Variants in CDYL2 observed in about 807,000 individuals in gnomAD.
CDYL2 encodes the protein chromodomain Y-like protein 2.
A neutral mutation model predicts 49.4 loss-of-function variants in CDYL2; 23 were observed. The ratio of observed to expected loss-of-function variants is 0.47; its 90% CI spans 0.34 to 0.66. The LOEUF (loss-of-function observed/expected upper bound fraction) is 0.66. CDYL2 is among the 30% of genes least tolerant of loss of function. The pLI, the probability that CDYL2 is intolerant of heterozygous loss-of-function variation, is 0.01. For missense variants in CDYL2, 678 were observed against 656.4 expected (o/e 1.03, Z -0.36); for synonymous variants, 360 against 268.8 (o/e 1.34, Z -3.32).
At chr16:80,768,494 AGTG>A (rs1906800477) in intron 1 of CDYL2, among the ~76,000 whole-genome samples, 1 of 152,208 alleles carries the variant, frequency 6.6e-6, no homozygotes, top group East Asian at 1.9e-4. Flanking sequence ...TCAAGGCCCC[AGTG>A]GATTCAGGGT....
At chr16:80,711,386 G>C (rs980058966) in intron 1 of CDYL2, among the ~76,000 whole-genome samples, 2 of 152,232 alleles carry the variant, frequency 1.3e-5, no homozygotes, top group African/African-American at 4.8e-5. Flanking sequence ...ACAGCTTGTG[G>C]AGGGCTGCAT....
At chr16:80,757,907 A>G (rs899583447) in intron 1 of CDYL2, among the ~76,000 whole-genome samples, 1 of 152,126 alleles carries the variant, frequency 6.6e-6, no homozygotes, top group Non-Finnish European at 1.5e-5. Flanking sequence ...CTAAGATTTT[A>G]TTTTACTTAA....
chr16:80,644,789 A>T (rs1301503494), intron 2 of CDYL2, among the ~76,000 whole-genome samples: 1 of 152,180 alleles, frequency 6.6e-6, no homozygotes, highest in African/African-American at 2.4e-5. Context: ...ACCAAAACAG[A>T]GATACAGACC....
chr16:80,616,465 G>A (rs1401783200), intron 4 of CDYL2, among the ~76,000 whole-genome samples: 1 of 152,162 alleles, frequency 6.6e-6, no homozygotes, highest in Admixed American at 6.5e-5. Context: ...GCAAAATTCT[G>A]CTCACAGGAG....
intron 2 of CDYL2, among the ~76,000 whole-genome samples, chr16:80,663,196 G>T (rs1271401676): frequency 6.6e-6 from 1 of 151,440 alleles, no homozygotes; most frequent in Non-Finnish European, 1.5e-5. Context: ...TATCATCTTG[G>T]GGAGCAGATA....
intron 1 of CDYL2, among the ~76,000 whole-genome samples, chr16:80,750,508 A>G (rs1906094958): frequency 6.6e-6 from 1 of 152,112 alleles, no homozygotes; most frequent in Admixed American, 6.5e-5. Flanking sequence ...AAACACAAAG[A>G]GATCTTAAAA....
intron 1 of CDYL2, among the ~76,000 whole-genome samples, chr16:80,799,532 C>G (rs1350182137): frequency 6.6e-6 from 1 of 152,188 alleles, no homozygotes; most frequent in Non-Finnish European, 1.5e-5. Flanking sequence ...TTTTCACCAT[C>G]TGAGAGAAAC....
chr16:80,803,826 G>C (rs890408676), intron 1 of CDYL2, among the ~76,000 whole-genome samples: 2 of 145,238 alleles, frequency 1.4e-5, no homozygotes, highest in Non-Finnish European at 3.1e-5. Flanking sequence ...ACACCTCCCC[G>C]GGACCGCTAC....
chr16:80,617,990 G>A (rs749910324), intron 4 of CDYL2, among the ~76,000 whole-genome samples: 1 of 152,164 alleles, frequency 6.6e-6, no homozygotes, highest in Non-Finnish European at 1.5e-5. Flanking sequence ...CAAGCATCAG[G>A]GTCTTGGGAA....
At chr16:80,677,643 G>C (rs549872328) in intron 2 of CDYL2, among the ~76,000 whole-genome samples, 1 of 152,074 alleles carries the variant, frequency 6.6e-6, no homozygotes, top group Non-Finnish European at 1.5e-5. Flanking sequence ...GGAGGCTGAG[G>C]CAGGAGAATG....
chr16:80,801,765 C>G (rs1907933994), intron 1 of CDYL2, among the ~76,000 whole-genome samples: 2 of 152,054 alleles, frequency 1.3e-5, no homozygotes. Flanking sequence ...TACTTTTTAC[C>G]CACATAACAA....
chr16:80,735,843 G>C (rs1282163795), intron 1 of CDYL2, among the ~76,000 whole-genome samples: 1 of 152,182 alleles, frequency 6.6e-6, no homozygotes, highest in African/African-American at 2.4e-5. Flanking sequence ...CCTACTTTCA[G>C]AGAATGTTTT....
intron 1 of CDYL2, among the ~76,000 whole-genome samples, chr16:80,707,869 G>T (rs979202598): frequency 1.3e-5 from 2 of 152,180 alleles, no homozygotes; most frequent in Admixed American, 1.3e-4. Context: ...ACTGTACACT[G>T]GGAAAATTCC....
At chr16:80,712,332 T>C (rs1421338732) in intron 1 of CDYL2, among the ~76,000 whole-genome samples, 1 of 151,768 alleles carries the variant, frequency 6.6e-6, no homozygotes, top group Non-Finnish European at 1.5e-5. Context: ...AGACCATGCA[T>C]AAGACCCCCA....
intron 3 of CDYL2, chr16:80,628,169 C>A (rs549419404): frequency 6.6e-6 from 1 of 152,368 alleles, no homozygotes; most frequent in South Asian, 2.1e-4. Flanking sequence ...ATTCTTCTGA[C>A]AAACTCCCTT....
intron 1 of CDYL2, among the ~76,000 whole-genome samples, chr16:80,708,166 C>T (rs1168163966): frequency 2.6e-5 from 4 of 152,112 alleles, no homozygotes; most frequent in Non-Finnish European, 2.9e-5. Context: ...GAAGTGGAGA[C>T]GTCAAATCCA....
intron 1 of CDYL2, chr16:80,734,993 A>G (rs1419674446): frequency 6.6e-6 from 1 of 152,096 alleles, no homozygotes; most frequent in African/African-American, 2.4e-5. Context: ...TCCTTCATCA[A>G]TTCCATGAAG....
At chr16:80,619,553 C>T (rs1109548) in intron 4 of CDYL2, among the ~76,000 whole-genome samples, 23,534 of 152,132 alleles carry the variant, frequency 0.15, 5,884 homozygotes, top group African/African-American at 0.53. Flanking sequence ...TCATGCATGA[C>T]GAGAGAAGCA....
intron 1 of CDYL2, among the ~76,000 whole-genome samples, chr16:80,750,267 T>C (rs1906084852): frequency 1.3e-5 from 2 of 151,764 alleles, no homozygotes; most frequent in Admixed American, 1.3e-4. Context: ...GAAAAATATG[T>C]AAAGCACAAA....
Sources: allele counts gnomAD v4.1 joint callset (sites outside exome capture counted in the v4.1 genomes callset), GRCh38; gene constraint gnomAD v4.1.1; transcripts MANE v1.5; gene names NCBI Gene and HGNC (gene_info 2026-07-23, HGNC 2026-07-21).